The following PCDHA2 variants were observed in gnomAD, a reference collection of about 807,000 sequenced individuals.
The protein encoded by PCDHA2 is protocadherin alpha-2.
Under a neutral mutation model 66.0 loss-of-function variants are expected in PCDHA2, and 58 were observed. The ratio of observed to expected loss-of-function variants is 0.88; its 90% CI spans 0.71 to 1.09. The LOEUF (loss-of-function observed/expected upper bound fraction) is 1.09. PCDHA2 is among the 50% of genes least tolerant of loss of function. The pLI is 0.00. For synonymous variants in PCDHA2, 634 were observed against 554.0 expected, an observed-to-expected ratio of 1.14 and a Z score of -2.03; for missense variants, 1,267 against 1,242.3, an observed-to-expected ratio of 1.02 and a Z score of -0.30.
intron 1 of PCDHA2, among the ~76,000 whole-genome samples, chr5:140,840,617 T>C (rs2150308160): frequency 2.0e-5 from 3 of 152,150 alleles, no homozygotes; most frequent in African/African-American, 7.2e-5. Context: ...AGGCTGAATT[T>C]AACAAGCTAT....
intron 1 of PCDHA2, among the ~76,000 whole-genome samples, chr5:140,912,746 A>G (rs1322674627): frequency 6.6e-6 from 1 of 152,200 alleles, no homozygotes; most frequent in Admixed American, 6.5e-5. Flanking sequence ...TGGGTCTGTC[A>G]TAGATGGCTT....
chr5:140,925,424 T>C (rs1554202738), intron 1 of PCDHA2, among the ~76,000 whole-genome samples: 1 of 152,038 alleles, frequency 6.6e-6, no homozygotes, highest in Non-Finnish European at 1.5e-5. Context: ...GAACTGGTTG[T>C]AGGGTGTTAG....
intron 1 of PCDHA2, chr5:140,871,181 T>C (rs782405877): frequency 6.2e-7 from 1 of 1,613,552 alleles, no homozygotes; most frequent in Admixed American, 1.7e-5. Flanking sequence ...GCTGCGCTGG[T>C]GGATGTCAAC....
At chr5:140,850,006 T>G (rs2150463121) in intron 1 of PCDHA2, 1 of 1,596,968 alleles carries the variant, frequency 6.3e-7, no homozygotes, top group Non-Finnish European at 8.6e-7. Flanking sequence ...GAGCGCTCGC[T>G]GTCGAGCTAC....
chr5:140,834,325 C>A, intron 1 of PCDHA2: 3 of 1,449,214 alleles, frequency 2.1e-6, no homozygotes, highest in Non-Finnish European at 2.8e-6. Context: ...GGGATAAAAA[C>A]ATTCCTATAA....
At chr5:140,802,428 A>T in intron 1 of PCDHA2, 1 of 1,614,230 alleles carries the variant, frequency 6.2e-7, no homozygotes, top group Non-Finnish European at 8.5e-7. Context: ...GGTGCTGGAC[A>T]GCCCTCTGGA....
intron 1 of PCDHA2, chr5:140,859,133 A>C (rs1196792734): frequency 6.7e-6 from 1 of 150,106 alleles, no homozygotes; most frequent in Non-Finnish European, 1.5e-5. Flanking sequence ...TTTTATTTAC[A>C]TAATTTTATC....
At chr5:140,862,473 A>G in intron 1 of PCDHA2, 1 of 377,242 alleles carries the variant, frequency 2.7e-6, no homozygotes. Flanking sequence ...GAGCAAATCT[A>G]TCCATTGTTG....
rs2150262864 is a variant in PCDHA2 at position 140,836,525 on chromosome 5, C to T, written c.2388+39173C>T. 6.2e-6 allele frequency: 10 copies of T among 1,613,836 alleles called. No homozygotes were observed. In the South Asian group the frequency reaches 1.1e-4, roughly 18 times the overall value. On this transcript the variant is annotated intron_variant, in intron 1 of 3. Coordinates refer to ENST00000526136, the MANE Select transcript of PCDHA2 (RefSeq NM_018905.3). ...CGGTGTCCAGTCTGTTGGTGCTTAC[C>T]CTGCTGCTGTACACGGCGTTGCGGT...
At chr5:140,889,904 TTGTCATAC>T (rs1320793501) in intron 1 of PCDHA2, among the ~76,000 whole-genome samples, 4 of 152,172 alleles carry the variant, frequency 2.6e-5, no homozygotes, top group Non-Finnish European at 5.9e-5. Context: ...TACCTTGAGA[TTGTCATAC>T]TGTAAAGAAG....
chr5:140,799,724 G>A (rs1423428561), intron 1 of PCDHA2, among the ~76,000 whole-genome samples: 3 of 151,932 alleles, frequency 2.0e-5, no homozygotes, highest in African/African-American at 7.2e-5. Context: ...TGCAGTCCTG[G>A]CTTCCATTTC....
chr5:141,003,370 G>A (rs192935173), intron 3 of PCDHA2, among the ~76,000 whole-genome samples: 1 of 152,262 alleles, frequency 6.6e-6, no homozygotes, highest in East Asian at 1.9e-4. Context: ...GGAGTGCAGT[G>A]GTGCAATCTC....
At chr5:140,858,422 G>C in intron 1 of PCDHA2, 3 of 1,554,774 alleles carry the variant, frequency 1.9e-6, no homozygotes, top group Non-Finnish European at 2.6e-6. Flanking sequence ...TATTGGAGGG[G>C]ACCACTCTAG....
rs538677309 is a variant in PCDHA2, at chr5:140,927,177, G to T, written c.2389-51772G>T. ...GCAGGGCCAAAGCTGCCTGCGTCTT[G>T]ACCTACGACCTGGTGCTCGAGGACC... On this transcript the variant is annotated intron_variant, in intron 1 of 3. Coordinates refer to ENST00000526136, the MANE Select transcript of PCDHA2 (RefSeq NM_018905.3). 78 of 1,614,148 alleles carry T rather than the reference G, an allele frequency of 4.8e-5. 3 individuals carry two copies. In the East Asian group the frequency reaches 6.7e-4, roughly 14 times the overall value.
rs2150131813 is a variant in PCDHA2, at chr5:140,824,059, G to T, written c.2388+26707G>T. Reference sequence around the variant, plus strand: ...GAGACAGAGGGTGTGCTCTGGGGAAGCTCCACCCAAAACAGACCTCATGGC... The same window carrying T: ...GAGACAGAGGGTGTGCTCTGGGGAATCTCCACCCAAAACAGACCTCATGGC... On this transcript the variant is annotated intron_variant, in intron 1 of 3. Coordinates refer to ENST00000526136, the MANE Select transcript of PCDHA2 (RefSeq NM_018905.3). 51 of 1,614,148 alleles carry T rather than the reference G, an allele frequency of 3.2e-5. 1 individual carries two copies. The Middle Eastern group carries it at 1.3e-3, about 42-fold the overall frequency.
chr5:140,882,081 T>G, intron 1 of PCDHA2: 1 of 985,220 alleles, frequency 1.0e-6, no homozygotes, highest in Non-Finnish European at 1.5e-6. Context: ...ATGGTGTCGC[T>G]CTTCACTGAG....
intron 1 of PCDHA2, among the ~76,000 whole-genome samples, chr5:140,960,335 G>T (rs1362472967): frequency 1.3e-5 from 2 of 152,148 alleles, no homozygotes; most frequent in African/African-American, 4.8e-5. Context: ...AGAAGTACAT[G>T]AGGTGAGATA....
chr5:140,962,939 C>CA (rs2095722674), intron 1 of PCDHA2, among the ~76,000 whole-genome samples: 1 of 152,134 alleles, frequency 6.6e-6, no homozygotes, highest in African/African-American at 2.4e-5. Context: ...ACCTCCTCTC[C>CA]ATAAGATATG....
chr5:140,898,153 G>C (rs1379342887), intron 1 of PCDHA2, among the ~76,000 whole-genome samples: 3 of 152,182 alleles, frequency 2.0e-5, no homozygotes, highest in South Asian at 2.1e-4. Context: ...TGTTCACGCT[G>C]ATGGTGGTTT....
Sources: allele counts gnomAD v4.1 joint callset (sites outside exome capture counted in the v4.1 genomes callset), GRCh38; gene constraint gnomAD v4.1.1; transcripts MANE v1.5; gene names NCBI Gene and HGNC (gene_info 2026-07-23, HGNC 2026-07-21).